The following NAPA variants were observed in gnomAD, a reference collection of about 807,000 sequenced individuals.
NAPA encodes the protein alpha-soluble NSF attachment protein.
Under a neutral mutation model 48.0 loss-of-function variants are expected in NAPA, and 18 were observed. The ratio of observed to expected loss-of-function variants is 0.38; its 90% confidence interval spans 0.26 to 0.56. The LOEUF (loss-of-function observed/expected upper bound fraction) is 0.56, where lower values mean the gene tolerates loss of function less well. Among genes scored for constraint, NAPA ranks in the 20% least tolerant of loss-of-function variants. The probability of loss-of-function intolerance (pLI) is 0.77; values close to 1 mark genes in which losing one functional copy is unlikely to be tolerated. For synonymous variants in NAPA, 152 were observed against 149.9 expected, an observed-to-expected ratio of 1.01 and a Z score of -0.10; for missense variants, 315 against 385.0, an observed-to-expected ratio of 0.82 and a Z score of 1.52.
At chr19:47,514,316 C>T (rs970779469) in intron 1 of NAPA, among the ~76,000 whole-genome samples, 2 of 152,120 alleles carry the variant, frequency 1.3e-5, no homozygotes, top group African/African-American at 4.8e-5. Context: ...CCGCCCAGGG[C>T]CCACGCAAAT....
chr19:47,489,659 C>T, intron 10 of NAPA, 52 bp downstream of exon 10: 1 of 1,602,848 alleles, frequency 6.2e-7, no homozygotes. Context: ...GGCAGCTTTC[C>T]TAGGAGACCC....
Position 47,489,711 on chromosome 19 carries a change from C to T in NAPA, c.786G>A (p.Ser262=), listed in dbSNP as rs772657295. ...CTGGCCCCCCATGCTGGCCACTCACCGACTCGGTGTAGCTGTCCACATTCT... is the reference window on the plus strand; with the variant it reads ...CTGGCCCCCCATGCTGGCCACTCACTGACTCGGTGTAGCTGTCCACATTCT... ...EEQNVDSYTE[S]VKEYDSISRL... is the part of the protein sequence containing the mutation. Residue 262 remains serine, a splice_region_variant and synonymous_variant, in exon 10 of 11, where the codon TCG becomes TCA. Transcript: ENST00000263354. The T allele has an allele frequency of 8.1e-6, 13 of 1,613,878 alleles. No individual in the cohort carries two copies. Among genetic ancestry groups the T allele is most frequent in the South Asian group, 1.1e-5 (1 of 91,046 alleles).
chr19:47,489,825 A>G, intron 9 of NAPA, 64 bp from the exon 10 acceptor site: 1 of 1,560,146 alleles, frequency 6.4e-7, no homozygotes, highest in Admixed American at 1.7e-5. Context: ...CCTGGATTAG[A>G]TGAAAGGACA....
At chr19:47,501,010 C>T (rs1462337655) in intron 2 of NAPA, among the ~76,000 whole-genome samples, 2 of 152,098 alleles carry the variant, frequency 1.3e-5, no homozygotes, top group South Asian at 2.1e-4. Context: ...GAAGCTGCCT[C>T]GGGGGAAGGC....
At chr19:47,510,741 G>C (rs1968789660) in intron 1 of NAPA, among the ~76,000 whole-genome samples, 1 of 152,210 alleles carries the variant, frequency 6.6e-6, no homozygotes, top group African/African-American at 2.4e-5. Flanking sequence ...GATTCCCCAG[G>C]AGACACGCAG....
intron 1 of NAPA, among the ~76,000 whole-genome samples, chr19:47,513,566 G>T (rs954116821): frequency 6.6e-6 from 1 of 152,130 alleles, no homozygotes; most frequent in African/African-American, 2.4e-5. Context: ...CAGGATGGTC[G>T]TGTCAGCTTT....
intron 1 of NAPA, among the ~76,000 whole-genome samples, chr19:47,508,276 A>C (rs1407890133): frequency 6.6e-6 from 1 of 152,164 alleles, no homozygotes; most frequent in African/African-American, 2.4e-5. Flanking sequence ...CTGCTAGTCC[A>C]CTGACTGCAC....
At chr19:47,502,813 A>G (rs541025042) in intron 2 of NAPA, among the ~76,000 whole-genome samples, 1 of 152,246 alleles carries the variant, frequency 6.6e-6, no homozygotes. Flanking sequence ...CTGTGAAGCT[A>G]TCCTGCCTCA....
At chr19:47,504,079 C>T (rs1968642754) in intron 1 of NAPA, among the ~76,000 whole-genome samples, 1 of 151,436 alleles carries the variant, frequency 6.6e-6, no homozygotes, top group Admixed American at 6.6e-5. Context: ...ATAAGATGTT[C>T]CCATTTGTGT....
At chr19:47,503,393 C>T (rs1968624635) in intron 2 of NAPA, 30 bp downstream of exon 2, 7 of 1,602,944 alleles carry the variant, frequency 4.4e-6, no homozygotes, top group Non-Finnish European at 6.0e-6. Context: ...AGGAGAGCAC[C>T]TTGGAGGAGC....
rs191469264 is a variant in NAPA, at chr19:47,494,785, G to T, written c.342+765C>A. On this transcript the variant is annotated intron_variant, in intron 4 of 10. Transcript: ENST00000263354. ...AGAGAGAGAGAAAGCACTGACAGGA[G>T]CCCCGGCCTGGGTGGGACCCTTCAC... Among the ~76,000 whole-genome samples, 169 of 148,022 alleles carry T rather than the reference G, an allele frequency of 1.1e-3. 3 individuals are homozygous for T. The highest frequency in any genetic ancestry group is 9.3e-3 in the Admixed American group (137 of 14,798).
At chr19:47,484,582 C>T (rs547314693), downstream of NAPA, 105 of 185,362 alleles carry the variant, frequency 5.7e-4, no homozygotes, top group African/African-American at 2.4e-3. Flanking sequence ...GAGGTAGGTA[C>T]TTAAATCCAT....
Position 47,492,087 on chromosome 19 carries a change from G to A in NAPA, c.594C>T (p.Leu198=), listed in dbSNP as rs767743237. Residue 198 remains leucine, a synonymous_variant, in exon 8 of 11, where the codon CTC becomes CTT. Coordinates refer to ENST00000263354, the MANE Select transcript of NAPA (RefSeq NM_003827.4). ...VGTNAMDSPL[L]KYSAKDYFFK... ...AGAAGTAGTCTTTGGCGCTGTACTTGAGGAGGGGGCTGTCCATGGCATTGG... is the reference window on the plus strand; with the variant it reads ...AGAAGTAGTCTTTGGCGCTGTACTTAAGGAGGGGGCTGTCCATGGCATTGG... 3 of 1,614,156 alleles carry A rather than the reference G, an allele frequency of 1.9e-6. No individual in the cohort carries two copies. In the South Asian group the frequency reaches 3.3e-5, roughly 18 times the overall value.
downstream of NAPA, among the ~76,000 whole-genome samples, chr19:47,485,234 G>A (rs141832112): frequency 1.6e-3 from 246 of 152,264 alleles, no homozygotes; most frequent in Non-Finnish European, 2.7e-3. Context: ...GTGCCCGGAC[G>A]TCCTTTGCAA....
intron 2 of NAPA, among the ~76,000 whole-genome samples, chr19:47,501,999 T>C (rs948028145): frequency 7.9e-5 from 12 of 151,908 alleles, no homozygotes; most frequent in African/African-American, 2.9e-4. Flanking sequence ...TCCCAGCACT[T>C]TGGGAGGCCG....
rs55712853 is a variant in NAPA at position 47,490,646 on chromosome 19, CAAACA to C, written c.735+137_735+141del. On this transcript the variant is annotated intron_variant, in intron 9 of 10. Transcript: ENST00000263354. ...TCTGGAAAATGGAGACTCAAATGGC[CAAACA>C]AAACAAAACAAAACAAAACAAAACA... The C allele has an allele frequency of 4.7e-3, 2,445 of 524,102 alleles. 33 individuals are homozygous for C. Among genetic ancestry groups the C allele is most frequent in the African/African-American group, 0.036 (1,798 of 49,954 alleles). The allele number at this position is 524,102 out of a possible 1,614,324, so 32.5% of individuals were successfully genotyped here. A position where few individuals can be genotyped will look rare whatever the true frequency, so the allele number is the denominator to read the frequency against.
chr19:47,485,984 G>C (rs1391512422), downstream of NAPA, among the ~76,000 whole-genome samples: 1 of 152,180 alleles, frequency 6.6e-6, no homozygotes, highest in Non-Finnish European at 1.5e-5. Context: ...TGAAGTTACA[G>C]GTTAGGAAGG....
chr19:47,505,994 CTTTTTT>C (rs760461648), intron 1 of NAPA, among the ~76,000 whole-genome samples: 1 of 126,944 alleles, frequency 7.9e-6, no homozygotes, highest in Non-Finnish European at 1.7e-5. Context: ...GGAGTGACTT[CTTTTTT>C]TTTTTTTTTT....
intron 1 of NAPA, among the ~76,000 whole-genome samples, chr19:47,504,674 C>T (rs1968657845): frequency 6.6e-6 from 1 of 151,618 alleles, no homozygotes; most frequent in Non-Finnish European, 1.5e-5. Context: ...CATATATACA[C>T]ATGTGTATAT....
Sources: gnomAD v4.1 joint callset for allele counts (sites outside exome capture counted in the v4.1 genomes callset) on GRCh38, gnomAD v4.1.1 for gene constraint, MANE v1.5 for transcripts, NCBI Gene and HGNC (gene_info 2026-07-23, HGNC 2026-07-21) for gene names.